Variants in PCDHA6 observed in about 807,000 individuals in gnomAD.
PCDHA6 encodes the protein protocadherin alpha-6.
Under a neutral mutation model 60.3 loss-of-function variants are expected in PCDHA6, and 55 were observed. The observed-to-expected ratio is 0.91, with a 90% CI of 0.73 to 1.14. PCDHA6 has a LOEUF of 1.14. PCDHA6 is among the 50% of genes most tolerant of loss of function. The pLI is 0.00. For missense variants in PCDHA6, 1,327 were observed against 1,256.5 expected, an observed-to-expected ratio of 1.06 and a Z score of -0.85; for synonymous variants, 652 against 557.9, an observed-to-expected ratio of 1.17 and a Z score of -2.38.
chr5:140,927,031 GC>G, intron 1 of PCDHA6: 6 of 1,612,410 alleles, frequency 3.7e-6, no homozygotes, highest in Non-Finnish European at 5.1e-6. Flanking sequence ...GAGGCTGCCA[GC>G]GGCCGCTATG....
At chr5:140,848,296 G>A (rs181978789) in intron 1 of PCDHA6, 6 of 652,806 alleles carry the variant, frequency 9.2e-6, no homozygotes, top group Non-Finnish European at 1.3e-5. Flanking sequence ...TTTGGGCCAC[G>A]TGATGTCACT....
intron 1 of PCDHA6, chr5:140,842,572 A>G (rs3733705): frequency 3.9e-6 from 6 of 1,538,104 alleles, no homozygotes; most frequent in South Asian, 1.1e-5. Flanking sequence ...ACCGCGAGAG[A>G]GTGTCGGCCT....
chr5:140,890,772 C>T (rs2062796545), intron 1 of PCDHA6, among the ~76,000 whole-genome samples: 1 of 152,118 alleles, frequency 6.6e-6, no homozygotes, highest in South Asian at 2.1e-4. Context: ...TATTTTAAAA[C>T]CCCATAAGAT....
chr5:140,906,662 G>A (rs1186000828), intron 1 of PCDHA6, among the ~76,000 whole-genome samples: 1 of 152,200 alleles, frequency 6.6e-6, no homozygotes, highest in Non-Finnish European at 1.5e-5. Context: ...TCCTGGTGTA[G>A]TGACCCAAAC....
chr5:140,936,270 T>C (rs1367001317), intron 1 of PCDHA6, among the ~76,000 whole-genome samples: 1 of 152,226 alleles, frequency 6.6e-6, no homozygotes, highest in African/African-American at 2.4e-5. Flanking sequence ...GAAGATATAT[T>C]CCTGTGTTTT....
chr5:140,917,955 C>T (rs1439909877), intron 1 of PCDHA6, among the ~76,000 whole-genome samples: 1 of 151,916 alleles, frequency 6.6e-6, no homozygotes, highest in Admixed American at 6.6e-5. Context: ...TTGATAGGAA[C>T]ATCATTGAAT....
intron 1 of PCDHA6, chr5:140,860,225 A>ATATATAT (rs2046281831): frequency 6.6e-6 from 1 of 151,528 alleles, no homozygotes. Context: ...ATGTATATAT[A>ATATATAT]AGCCAGGCAT....
rs1342551274 is a variant in PCDHA6, at chr5:140,871,604, T to C, written c.2394+41119T>C. 4 of 1,443,096 alleles carry C rather than the reference T, an allele frequency of 2.8e-6. No homozygotes were observed. In the African/African-American group the frequency reaches 4.3e-5, roughly 16 times the overall value. The allele number at this position is 1,443,096 out of a possible 1,614,324, so 89.4% of individuals were successfully genotyped here. A position where few individuals can be genotyped will look rare whatever the true frequency, so the allele number is the denominator to read the frequency against. On this transcript the variant is annotated intron_variant, in intron 1 of 3. Coordinates refer to ENST00000529310, the MANE Select transcript of PCDHA6 (RefSeq NM_018909.4). The stretch of plus-strand genomic sequence containing the variant: ...AAAGTTTTATGAATAACCAGTGTTT[T>C]GAATATTGTTTTAGATAACAATGTC...
At chr5:140,890,923 C>T (rs535912661) in intron 1 of PCDHA6, among the ~76,000 whole-genome samples, 1 of 152,202 alleles carries the variant, frequency 6.6e-6, no homozygotes, top group East Asian at 1.9e-4. Context: ...TTGAGAGTTT[C>T]CTTTAGTCCA....
At chr5:140,845,287 C>A (rs918574993) in intron 1 of PCDHA6, among the ~76,000 whole-genome samples, 1 of 149,322 alleles carries the variant, frequency 6.7e-6, no homozygotes, top group Non-Finnish European at 1.5e-5. Flanking sequence ...TATTTCCTAT[C>A]CTGTCTATGT....
Position 140,843,585 on chromosome 5 carries a change from C to T in PCDHA6, c.2394+13100C>T, listed in dbSNP as rs2150363108. ...AGCTGGTCATACTCGCAACAACAGC[C>T]GCAGAGGGTGTGCTCTGGTGAGGGG... On this transcript the variant is annotated intron_variant, in intron 1 of 3. Coordinates refer to ENST00000529310, the MANE Select transcript of PCDHA6 (RefSeq NM_018909.4). 2.5e-6 allele frequency: 4 copies of T among 1,596,014 alleles called. No homozygotes were observed. The South Asian group carries it at 4.4e-5, about 18-fold the overall frequency.
intron 1 of PCDHA6, among the ~76,000 whole-genome samples, chr5:140,977,783 T>TATATGA (rs1488853966): frequency 1.3e-5 from 2 of 152,252 alleles, no homozygotes; most frequent in African/African-American, 4.8e-5. Context: ...TTAAAGGAAC[T>TATATGA]ATATGAATGA....
At chr5:140,989,582 G>A (rs1554250917) in intron 3 of PCDHA6, among the ~76,000 whole-genome samples, 1 of 152,200 alleles carries the variant, frequency 6.6e-6, no homozygotes, top group Non-Finnish European at 1.5e-5. Flanking sequence ...CCTGTCCTCA[G>A]CCTCACTGAC....
At chr5:140,963,701 AG>A (rs1226096855) in intron 1 of PCDHA6, among the ~76,000 whole-genome samples, 2 of 152,218 alleles carry the variant, frequency 1.3e-5, no homozygotes, top group Non-Finnish European at 1.5e-5. Flanking sequence ...TGATATCTAA[AG>A]GGCCATGCTA....
At chr5:140,927,412 G>T (rs781968521) in intron 1 of PCDHA6, 1 of 1,614,122 alleles carries the variant, frequency 6.2e-7, no homozygotes, top group East Asian at 2.2e-5. Flanking sequence ...CCTGGACATG[G>T]GATCGCGGGT....
At chr5:140,945,664 C>T (rs1342424562) in intron 1 of PCDHA6, among the ~76,000 whole-genome samples, 1 of 152,048 alleles carries the variant, frequency 6.6e-6, no homozygotes, top group Admixed American at 6.5e-5. Context: ...ATACAGCTCC[C>T]AGAAATAAAT....
chr5:140,863,019 T>A (rs781817571), intron 1 of PCDHA6: 6 of 554,136 alleles, frequency 1.1e-5, no homozygotes, highest in Admixed American at 5.7e-5. Context: ...GACGCCTGGT[T>A]GTCGCAACAG....
In PCDHA6 at chr5:140,855,835, T is replaced by C. The variant is rs1165073969; in HGVS notation, c.2394+25350T>C. On this transcript the variant is annotated intron_variant, in intron 1 of 3. Transcript: ENST00000529310. ...AGTTGTGAACTCATGGAATCGTACT[T>C]ACACCTAAAGCCACCGGATGTCGCT... The C allele has an allele frequency of 6.7e-5, 40 of 599,476 alleles. 4 individuals carry two copies. The highest frequency in any genetic ancestry group is 1.1e-4 in the Non-Finnish European group (39 of 347,470). 37.1% of individuals were successfully genotyped at this position (599,476 alleles called of 1,614,324 possible). A position where few individuals can be genotyped will look rare whatever the true frequency, so the allele number is the denominator to read the frequency against.
chr5:140,854,987 T>C (rs1220578373), intron 1 of PCDHA6, among the ~76,000 whole-genome samples: 1 of 149,970 alleles, frequency 6.7e-6, no homozygotes, highest in Admixed American at 6.7e-5. Context: ...TAAGATTCTT[T>C]TTGCCCGTGT....
Sources: allele counts gnomAD v4.1 joint callset (sites outside exome capture counted in the v4.1 genomes callset), GRCh38; gene constraint gnomAD v4.1.1; transcripts MANE v1.5; gene names NCBI Gene and HGNC (gene_info 2026-07-23, HGNC 2026-07-21).